PPM1H: variants seen among roughly 807,000 people sequenced by gnomAD.
The protein encoded by PPM1H is protein phosphatase, Mg2+/Mn2+ dependent 1H.
In PPM1H, 27 loss-of-function variants were observed where a neutral mutation model predicts 54.9. The ratio of observed to expected loss-of-function variants is 0.49; its 90% CI spans 0.36 to 0.68. The LOEUF (loss-of-function observed/expected upper bound fraction) is 0.68. Among genes scored for constraint, PPM1H ranks in the 30% least tolerant of loss-of-function variants. The probability of loss-of-function intolerance (pLI) is 0.00; values close to 1 mark genes in which losing one functional copy is unlikely to be tolerated. For synonymous variants in PPM1H, 305 were observed against 270.8 expected, an observed-to-expected ratio of 1.13 and a Z score of -1.24; for missense variants, 596 against 667.8, an observed-to-expected ratio of 0.89 and a Z score of 1.19.
chr12:62,837,088 C>T (rs2120876099), intron 1 of PPM1H, among the ~76,000 whole-genome samples: 1 of 152,318 alleles, frequency 6.6e-6, no homozygotes, highest in Non-Finnish European at 1.5e-5. Context: ...TACCATGATA[C>T]ACACACTTGG....
intron 1 of PPM1H, among the ~76,000 whole-genome samples, chr12:62,924,501 A>G (rs1234364160): frequency 6.6e-6 from 1 of 152,222 alleles, no homozygotes; most frequent in Admixed American, 6.5e-5. Flanking sequence ...GCACAAACAT[A>G]GGTGAACAGT....
intron 5 of PPM1H, among the ~76,000 whole-genome samples, chr12:62,733,922 A>C (rs2120512554): frequency 6.6e-6 from 1 of 152,258 alleles, no homozygotes; most frequent in South Asian, 2.1e-4. Context: ...GAAAAAAATT[A>C]CCCTGGTTTG....
At chr12:62,685,019 C>G (rs1041993987) in intron 8 of PPM1H, among the ~76,000 whole-genome samples, 1 of 152,132 alleles carries the variant, frequency 6.6e-6, no homozygotes, top group African/African-American at 2.4e-5. Context: ...GTTCCACCCC[C>G]TCCCCCCGCC....
intron 4 of PPM1H, among the ~76,000 whole-genome samples, chr12:62,750,865 A>T (rs560756995): frequency 6.6e-6 from 1 of 152,362 alleles, no homozygotes; most frequent in South Asian, 2.1e-4. Context: ...TTAGATTTCA[A>T]TGTGTACATC....
At chr12:62,885,596 CA>C (rs1870560180) in intron 1 of PPM1H, among the ~76,000 whole-genome samples, 1 of 152,166 alleles carries the variant, frequency 6.6e-6, no homozygotes, top group East Asian at 1.9e-4. Flanking sequence ...ACACAGGGCA[CA>C]CACAGTAGAG....
rs570653055 is a variant in PPM1H, at chr12:62,832,223, A to G, written c.302T>C (p.Leu101Pro). 1 of 1,613,552 alleles carries G rather than the reference A, an allele frequency of 6.2e-7. No individual in the cohort carries two copies. Among genetic ancestry groups the G allele is most frequent in the South Asian group, 1.1e-5 (1 of 90,964 alleles). The part of the protein sequence containing the change: ...HNEDQASCEV[L>P]TVKKKAGAVT... ...GGCCCCTGCCTTCTTCTTCACAGTG[A>G]GCACCTCACAGCTGGCTTGGTCTTC... is the stretch of plus-strand genomic sequence containing the variant. The change falls in exon 2 of 10, where the codon CTC becomes CCC. Residue 101 changes from leucine (L) to proline (P), a missense_variant. By Grantham distance (98) the Leu-to-Pro change is moderately conservative. Transcript: ENST00000228705.
chr12:62,670,126 T>A (rs57394141), intron 8 of PPM1H, among the ~76,000 whole-genome samples: 19 of 151,374 alleles, frequency 1.3e-4, no homozygotes, highest in African/African-American at 4.1e-4. Context: ...TACAGGCATG[T>A]GCCACCACGC....
intron 5 of PPM1H, among the ~76,000 whole-genome samples, chr12:62,732,631 G>T (rs11174624): frequency 0.014 from 2,049 of 151,098 alleles, 47 homozygotes; most frequent in African/African-American, 0.048. Context: ...GAGTGCAGTG[G>T]TGCGATCTCA....
intron 5 of PPM1H, 35 bp from the exon 6 acceptor site, chr12:62,720,324 T>C: frequency 1.4e-6 from 2 of 1,447,580 alleles, no homozygotes; most frequent in South Asian, 1.2e-5. Context: ...AACACACACA[T>C]ACACGTATTT....
chr12:62,777,336 A>C lies in PPM1H; in HGVS notation c.869+10890T>G, dbSNP rs145313894. Among the ~76,000 whole-genome samples the C allele has an allele frequency of 8.6e-4, 131 of 152,298 alleles. No individual in the cohort carries two copies. The East Asian group carries it at 0.019, about 22-fold the overall frequency. On this transcript the variant is annotated intron_variant, in intron 4 of 9. Coordinates refer to ENST00000228705, the MANE Select transcript of PPM1H (RefSeq NM_020700.2). ...ACACTGCATTGTAAATGGATGCCTG[A>C]CTGCCTGCCTACCTGGGCTGACTAC...
At chr12:62,712,196 C>T (rs1313228027) in intron 6 of PPM1H, among the ~76,000 whole-genome samples, 1 of 152,176 alleles carries the variant, frequency 6.6e-6, no homozygotes, top group Non-Finnish European at 1.5e-5. Flanking sequence ...GTGCCTAATC[C>T]CTGGCCCAGC....
At chr12:62,734,636 G>A (rs2076341170) in intron 5 of PPM1H, among the ~76,000 whole-genome samples, 2 of 152,178 alleles carry the variant, frequency 1.3e-5, no homozygotes, top group South Asian at 2.1e-4. Flanking sequence ...GTCCATTCTT[G>A]TAACATGAAA....
intron 2 of PPM1H, among the ~76,000 whole-genome samples, chr12:62,825,090 C>T (rs1868274604): frequency 6.6e-6 from 1 of 152,054 alleles, no homozygotes; most frequent in East Asian, 1.9e-4. Context: ...TATGAACTGA[C>T]ACTTCTTAAA....
intron 4 of PPM1H, among the ~76,000 whole-genome samples, chr12:62,767,453 T>C (rs926173759): frequency 1.3e-5 from 2 of 152,174 alleles, no homozygotes; most frequent in Non-Finnish European, 2.9e-5. Context: ...GATAAGGTAA[T>C]ATTAGCTGCT....
At chr12:62,811,015 A>G (rs893838528) in intron 2 of PPM1H, among the ~76,000 whole-genome samples, 1 of 152,212 alleles carries the variant, frequency 6.6e-6, no homozygotes, top group Non-Finnish European at 1.5e-5. Context: ...ATGATCAGGT[A>G]ATTACAAGTG....
intron 1 of PPM1H, among the ~76,000 whole-genome samples, chr12:62,836,814 G>T (rs1868516975): frequency 6.6e-6 from 1 of 152,174 alleles, no homozygotes; most frequent in Admixed American, 6.5e-5. Flanking sequence ...AGACACATCT[G>T]CCCTGGGAGA....
At chr12:62,932,627 G>GTTTTTTTTTTTTT (rs1229452777) in intron 1 of PPM1H, among the ~76,000 whole-genome samples, 15 of 22,520 alleles carry the variant, frequency 6.7e-4, no homozygotes, top group South Asian at 3.1e-3. Flanking sequence ...GTCCAAATGG[G>GTTTTTTTTTTTTT]CTTTTTTTTT....
At chr12:62,723,478 CAG>C (rs1468134192) in intron 5 of PPM1H, among the ~76,000 whole-genome samples, 1 of 152,052 alleles carries the variant, frequency 6.6e-6, no homozygotes, top group Admixed American at 6.6e-5. Context: ...TGTTGGGAGG[CAG>C]ACTTTTTGGG....
intron 1 of PPM1H, among the ~76,000 whole-genome samples, chr12:62,910,455 A>C (rs1330985055): frequency 6.6e-6 from 1 of 152,204 alleles, no homozygotes; most frequent in Admixed American, 6.5e-5. Context: ...AAAGAGAGAA[A>C]GATACTAATT....
Sources: allele counts gnomAD v4.1 joint callset (sites outside exome capture counted in the v4.1 genomes callset), GRCh38; gene constraint gnomAD v4.1.1; transcripts MANE v1.5; gene names NCBI Gene and HGNC (gene_info 2026-07-23, HGNC 2026-07-21).